The following CTNNA2 variants were observed in gnomAD, a reference collection of about 807,000 sequenced individuals.
The protein encoded by CTNNA2 is catenin alpha 2.
Under a neutral mutation model 101.0 loss-of-function variants are expected in CTNNA2, and 42 were observed. The observed-to-expected ratio is 0.42, with a 90% confidence interval of 0.32 to 0.54. CTNNA2 has a LOEUF of 0.54. Ranked by LOEUF, CTNNA2 falls within the 20% of genes least tolerant of loss-of-function variation. CTNNA2 has a pLI of 0.14. For synonymous variants in CTNNA2, 450 were observed against 456.4 expected (o/e 0.99, Z 0.18); for missense variants, 871 against 1,223.1 (o/e 0.71, Z 4.29).
intron 7 of CTNNA2, among the ~76,000 whole-genome samples, chr2:80,113,524 AATCTGGCCCACC>A (rs1309696873): frequency 1.3e-5 from 2 of 152,206 alleles, no homozygotes; most frequent in Non-Finnish European, 2.9e-5. Context: ...TAGTGGGCCA[AATCTGGCCCACC>A]ACCTGTTTTA....
At chr2:79,545,874 T>C (rs1673700801) in intron 1 of CTNNA2, among the ~76,000 whole-genome samples, 1 of 152,204 alleles carries the variant, frequency 6.6e-6, no homozygotes, top group African/African-American at 2.4e-5. Flanking sequence ...TATAAAGCAC[T>C]TCATATGTGT....
chr2:80,202,835 T>C (rs1399241137), intron 7 of CTNNA2, among the ~76,000 whole-genome samples: 1 of 152,138 alleles, frequency 6.6e-6, no homozygotes, highest in Non-Finnish European at 1.5e-5. Context: ...CACACTGTAT[T>C]AGTCTGTTTT....
At chr2:79,743,719 A>G (rs1671457001) in intron 2 of CTNNA2, among the ~76,000 whole-genome samples, 1 of 151,930 alleles carries the variant, frequency 6.6e-6, no homozygotes, top group African/African-American at 2.4e-5. Context: ...TTTTTAGTAT[A>G]GATGAGGTTT....
chr2:79,301,116 C>G (rs1166622932), intron 2 of CTNNA2, among the ~76,000 whole-genome samples: 1 of 152,194 alleles, frequency 6.6e-6, no homozygotes, highest in African/African-American at 2.4e-5. Context: ...TCTGAAATTA[C>G]TTTTTCTTTT....
At chr2:79,378,585 T>G (rs554956786) in intron 4 of CTNNA2, among the ~76,000 whole-genome samples, 1 of 152,252 alleles carries the variant, frequency 6.6e-6, no homozygotes, top group East Asian at 1.9e-4. Context: ...CGAGGAGATG[T>G]TACATGTCAC....
chr2:79,900,886 A>T (rs571821676), intron 6 of CTNNA2, among the ~76,000 whole-genome samples: 1 of 152,196 alleles, frequency 6.6e-6, no homozygotes, highest in Non-Finnish European at 1.5e-5. Context: ...TACACATTGT[A>T]TGCCTGTCTC....
chr2:79,334,027 T>C (rs1676935726), intron 3 of CTNNA2, among the ~76,000 whole-genome samples: 1 of 152,190 alleles, frequency 6.6e-6, no homozygotes, highest in African/African-American at 2.4e-5. Flanking sequence ...TGTGTAATGA[T>C]CAAATCATGG....
At chr2:80,294,284 T>A (rs552965450) in intron 7 of CTNNA2, among the ~76,000 whole-genome samples, 8 of 152,198 alleles carry the variant, frequency 5.3e-5, no homozygotes, top group Non-Finnish European at 8.8e-5. Flanking sequence ...AATATAAGAA[T>A]AATTCTAAAC....
At chr2:79,273,698 A>C (rs1675140584) in intron 2 of CTNNA2, among the ~76,000 whole-genome samples, 1 of 152,124 alleles carries the variant, frequency 6.6e-6, no homozygotes. Flanking sequence ...AAATAGCTCC[A>C]AAAACAGTTT....
chr2:80,368,865 G>A (rs1005455574), intron 7 of CTNNA2, among the ~76,000 whole-genome samples: 69 of 111,308 alleles, frequency 6.2e-4, no homozygotes, highest in Admixed American at 3.4e-3. Flanking sequence ...GTGTGTGTGT[G>A]TGTATATATA....
At chr2:79,589,450 G>T (rs776695385) in intron 1 of CTNNA2, among the ~76,000 whole-genome samples, 5 of 151,894 alleles carry the variant, frequency 3.3e-5, no homozygotes, top group African/African-American at 7.3e-5. Flanking sequence ...GTTTTAAGTT[G>T]TCTCCACTAT....
At position 79,489,742 on chromosome 2, in the gene CTNNA2, C is replaced by T. The variant is rs558991734; in HGVS notation, c.-134-15312C>T. Among the ~76,000 whole-genome samples the T allele has an allele frequency of 1.1e-4, 16 of 152,274 alleles. No homozygotes were observed. In the South Asian group the frequency reaches 3.3e-3, roughly 32 times the overall value. On this transcript the variant is annotated intron_variant, in intron 4 of 21. Transcript: ENST00000466387. ...GAAAGGAAAACAGAGTGAGGCATGT[C>T]TATGTTTATGAACATCTGATGTAGT...
chr2:80,292,726 G>C (rs1675376107), intron 7 of CTNNA2, among the ~76,000 whole-genome samples: 1 of 152,168 alleles, frequency 6.6e-6, no homozygotes. Flanking sequence ...TAAGTTAAAT[G>C]GTTCTATTGT....
At chr2:80,104,703 A>C (rs1700774879) in intron 7 of CTNNA2, among the ~76,000 whole-genome samples, 1 of 152,238 alleles carries the variant, frequency 6.6e-6, no homozygotes, top group Non-Finnish European at 1.5e-5. Flanking sequence ...AATAAGCAGC[A>C]CATTGAAAAG....
At chr2:80,245,583 C>T (rs1671256071) in intron 7 of CTNNA2, among the ~76,000 whole-genome samples, 1 of 151,890 alleles carries the variant, frequency 6.6e-6, no homozygotes, top group Non-Finnish European at 1.5e-5. Context: ...TTTTTCCCAT[C>T]CCATTCCTGC....
intron 8 of CTNNA2, among the ~76,000 whole-genome samples, chr2:80,417,482 G>T (rs1680147161): frequency 6.6e-6 from 1 of 151,178 alleles, no homozygotes; most frequent in African/African-American, 2.4e-5. Flanking sequence ...TTTCTAAAAT[G>T]GTTTTTAAGT....
At chr2:79,255,931 C>A (rs1056631535) in intron 2 of CTNNA2, among the ~76,000 whole-genome samples, 3 of 152,070 alleles carry the variant, frequency 2.0e-5, no homozygotes, top group Non-Finnish European at 4.4e-5. Context: ...GTTGTATCAG[C>A]TGAGAAGAAA....
chr2:79,949,849 A>G (rs774647780), intron 7 of CTNNA2, among the ~76,000 whole-genome samples: 6 of 152,294 alleles, frequency 3.9e-5, no homozygotes, highest in African/African-American at 1.4e-4. Flanking sequence ...CAGAATGCTA[A>G]CTTTTCAATT....
At chr2:79,985,930 G>A (rs1558701721) in intron 7 of CTNNA2, among the ~76,000 whole-genome samples, 1 of 152,092 alleles carries the variant, frequency 6.6e-6, no homozygotes, top group East Asian at 1.9e-4. Context: ...CCCTCTAGGG[G>A]ACCACTTGCC....
Sources: gnomAD v4.1 joint callset for allele counts (sites outside exome capture counted in the v4.1 genomes callset) on GRCh38, gnomAD v4.1.1 for gene constraint, MANE v1.5 for transcripts, NCBI Gene and HGNC (gene_info 2026-07-23, HGNC 2026-07-21) for gene names.